The following THSD7B variants were observed in gnomAD, a reference collection of about 807,000 sequenced individuals.
THSD7B encodes the protein thrombospondin type-1 domain-containing protein 7B.
A neutral mutation model predicts 213.6 loss-of-function variants in THSD7B; 138 were observed. The observed-to-expected ratio is 0.65, with a 90% CI of 0.56 to 0.74. The LOEUF is 0.74. THSD7B is among the 30% of genes least tolerant of loss of function. THSD7B has a pLI of 0.00. For synonymous variants in THSD7B, 742 were observed against 687.0 expected, an observed-to-expected ratio of 1.08 and a Z score of -1.25; for missense variants, 1,931 against 1,991.5, an observed-to-expected ratio of 0.97 and a Z score of 0.58.
intron 2 of THSD7B, among the ~76,000 whole-genome samples, chr2:137,033,364 G>A (rs1276004271): frequency 6.6e-6 from 1 of 152,216 alleles, no homozygotes; most frequent in African/African-American, 2.4e-5. Flanking sequence ...TCAGGTGGCA[G>A]TAGCAAGGTT....
chr2:137,290,598 G>T (rs16838619), intron 12 of THSD7B, among the ~76,000 whole-genome samples: 4,342 of 152,096 alleles, frequency 0.029, 72 homozygotes, highest in East Asian at 0.052. Context: ...GTTCTGCCCA[G>T]GATTTAAGCT....
intron 12 of THSD7B, among the ~76,000 whole-genome samples, chr2:137,281,559 C>T (rs1484304920): frequency 6.6e-6 from 1 of 150,768 alleles, no homozygotes; most frequent in Non-Finnish European, 1.5e-5. Flanking sequence ...CCCCCCACCC[C>T]CACCCCACAG....
At chr2:136,875,021 T>C (rs1683503904) in intron 1 of THSD7B, among the ~76,000 whole-genome samples, 2 of 152,168 alleles carry the variant, frequency 1.3e-5, no homozygotes, top group South Asian at 4.1e-4. Flanking sequence ...AAGTTACAGA[T>C]ACAAAAATGA....
At chr2:137,030,666 A>T (rs1686647388) in intron 2 of THSD7B, among the ~76,000 whole-genome samples, 1 of 152,210 alleles carries the variant, frequency 6.6e-6, no homozygotes, top group Admixed American at 6.5e-5. Flanking sequence ...GTTACTCAAG[A>T]ATCAAAAACC....
intron 18 of THSD7B, among the ~76,000 whole-genome samples, chr2:137,617,310 C>A (rs1400904300): frequency 6.6e-6 from 1 of 152,132 alleles, no homozygotes; most frequent in East Asian, 1.9e-4. Flanking sequence ...GATCATCTAC[C>A]AATATGGAAA....
chr2:137,469,415 G>A (rs565472977), intron 15 of THSD7B, among the ~76,000 whole-genome samples: 15 of 152,184 alleles, frequency 9.9e-5, no homozygotes, highest in Admixed American at 2.0e-4. Flanking sequence ...TCAGAACATC[G>A]GAAAAATCTT....
chr2:136,826,934 T>C (rs980701121), intron 1 of THSD7B, among the ~76,000 whole-genome samples: 1 of 152,166 alleles, frequency 6.6e-6, no homozygotes, highest in African/African-American at 2.4e-5. Context: ...TTAATTTATA[T>C]ACTTACATCT....
At chr2:137,071,524 G>A (rs1397152221) in intron 3 of THSD7B, among the ~76,000 whole-genome samples, 1 of 152,136 alleles carries the variant, frequency 6.6e-6, no homozygotes, top group Non-Finnish European at 1.5e-5. Context: ...TCACTCTGAT[G>A]GTAGTTACTT....
At chr2:137,160,436 C>T (rs1351860296) in intron 6 of THSD7B, 68 bp downstream of exon 6, 2 of 1,562,122 alleles carry the variant, frequency 1.3e-6, no homozygotes, top group Non-Finnish European at 1.7e-6. Context: ...GTAGCTAAGT[C>T]ACTGATTAAG....
intron 1 of THSD7B, among the ~76,000 whole-genome samples, chr2:136,821,053 CT>C (rs983519675): frequency 6.6e-6 from 1 of 152,120 alleles, no homozygotes; most frequent in African/African-American, 2.4e-5. Flanking sequence ...AATATTTGGA[CT>C]TTTTTGTGTA....
At chr2:137,505,460 C>T (rs1679812208) in intron 15 of THSD7B, among the ~76,000 whole-genome samples, 1 of 152,140 alleles carries the variant, frequency 6.6e-6, no homozygotes, top group African/African-American at 2.4e-5. Context: ...GGATTCATTG[C>T]TGTTCCATTC....
chr2:137,583,049 A>G lies in THSD7B; in HGVS notation c.3423+10493A>G, dbSNP rs990730424. Among the ~76,000 whole-genome samples, 7 of 152,216 alleles carry G rather than the reference A, an allele frequency of 4.6e-5. No homozygotes were observed. In the South Asian group the frequency reaches 1.0e-3, roughly 23 times the overall value. On this transcript the variant is annotated intron_variant, in intron 17 of 27. Transcript: ENST00000409968. ...TCACCATTCTAACTGGTGTGAGATGATATCTCATTGTGGTTTTGATTTGCA... is the reference window on the plus strand; with the variant it reads ...TCACCATTCTAACTGGTGTGAGATGGTATCTCATTGTGGTTTTGATTTGCA...
intron 9 of THSD7B, among the ~76,000 whole-genome samples, chr2:137,234,576 G>C (rs981975594): frequency 4.6e-5 from 7 of 152,166 alleles, no homozygotes; most frequent in African/African-American, 1.4e-4. Flanking sequence ...AGCATAGCCT[G>C]GAACACTTGA....
chr2:136,855,975 C>G (rs1485549083), intron 1 of THSD7B, among the ~76,000 whole-genome samples: 2 of 99,812 alleles, frequency 2.0e-5, no homozygotes, highest in Non-Finnish European at 4.0e-5. Context: ...ACTTGAATGT[C>G]ACCTTCTCAA....
At chr2:137,576,171 C>T (rs75449532) in intron 17 of THSD7B, among the ~76,000 whole-genome samples, 3,562 of 152,168 alleles carry the variant, frequency 0.023, 79 homozygotes, top group East Asian at 0.076. Flanking sequence ...CATTGAGTAA[C>T]ACAGATTTTC....
chr2:137,006,425 TAC>T (rs1172291743), intron 2 of THSD7B, among the ~76,000 whole-genome samples: 1 of 151,926 alleles, frequency 6.6e-6, no homozygotes, highest in Non-Finnish European at 1.5e-5. Context: ...CATACATACA[TAC>T]ATACATACAT....
At chr2:137,093,570 T>A (rs1323748251) in intron 3 of THSD7B, among the ~76,000 whole-genome samples, 1 of 152,226 alleles carries the variant, frequency 6.6e-6, no homozygotes, top group Admixed American at 6.5e-5. Flanking sequence ...GAATATGCTA[T>A]CGTTTTACTT....
intron 5 of THSD7B, among the ~76,000 whole-genome samples, chr2:137,140,990 T>C (rs1219665051): frequency 6.6e-6 from 1 of 152,170 alleles, no homozygotes; most frequent in Admixed American, 6.5e-5. Flanking sequence ...GAAGTGAGAC[T>C]GTATCTCTCT....
chr2:137,571,827 TG>T (rs777900897), intron 16 of THSD7B, among the ~76,000 whole-genome samples: 3 of 152,214 alleles, frequency 2.0e-5, no homozygotes, highest in South Asian at 2.1e-4. Context: ...TGTTTTTTTT[TG>T]ATTTGAAAAA....
Sources: gnomAD v4.1 joint callset for allele counts (sites outside exome capture counted in the v4.1 genomes callset) on GRCh38, gnomAD v4.1.1 for gene constraint, MANE v1.5 for transcripts, NCBI Gene and HGNC (gene_info 2026-07-23, HGNC 2026-07-21) for gene names.